LTBP2: variants seen among roughly 807,000 people sequenced by gnomAD.
The protein encoded by LTBP2 is latent transforming growth factor beta binding protein 2.
In LTBP2, 103 loss-of-function variants were observed where a neutral mutation model predicts 210.6. The observed-to-expected ratio is 0.49, with a 90% CI of 0.42 to 0.58. LTBP2 has a LOEUF of 0.58. LTBP2 is among the 20% of genes least tolerant of loss of function. LTBP2 has a pLI of 0.00. For synonymous variants in LTBP2, 1,007 were observed against 1,015.0 expected (o/e 0.99, Z 0.15); for missense variants, 2,313 against 2,494.5 (o/e 0.93, Z 1.55).
In LTBP2 at chr14:74,500,764, G is replaced by T. The variant is rs1241344759; in HGVS notation, c.*120C>A. 24 of 1,360,234 alleles carry T rather than the reference G, an allele frequency of 1.8e-5. No individual in the cohort carries two copies. The highest frequency in any genetic ancestry group is 2.5e-5 in the Non-Finnish European group (24 of 956,758). 84.3% of individuals were successfully genotyped at this position (1,360,234 alleles called of 1,614,324 possible). ...AGCTGGGAGAGATGAAAGCAGGCAAGGCTGATTGGAAACCTCTGGCCTGAT... is the reference window on the plus strand; with the variant it reads ...AGCTGGGAGAGATGAAAGCAGGCAATGCTGATTGGAAACCTCTGGCCTGAT... On this transcript the variant is annotated 3_prime_UTR_variant, in exon 36 of 36. Coordinates refer to ENST00000261978, the MANE Select transcript of LTBP2 (RefSeq NM_000428.3).
At chr14:74,526,750 G>C (rs1471796001) in intron 13 of LTBP2, among the ~76,000 whole-genome samples, 1 of 152,176 alleles carries the variant, frequency 6.6e-6, no homozygotes. Context: ...GGAGGGGCAG[G>C]GGACAGAGTA....
At chr14:74,511,432 G>C in intron 18 of LTBP2, 68 bp from the exon 19 acceptor site, 2 of 1,594,966 alleles carry the variant, frequency 1.3e-6, no homozygotes, top group Admixed American at 3.3e-5. Context: ...CTGTGACACA[G>C]CAAATCCTTG....
At position 74,584,454 on chromosome 14, in the gene LTBP2, C is replaced by T. The variant is rs80178736; in HGVS notation, c.830+1400G>A. ...TGTGCCCACCCCTGCCCTGGCTGGC[C>T]CTTGAACTGGCACCTCTAGTATTCC... is the stretch of plus-strand genomic sequence containing the variant. On this transcript the variant is annotated intron_variant, in intron 3 of 35. Coordinates refer to ENST00000261978, the MANE Select transcript of LTBP2 (RefSeq NM_000428.3). Among the ~76,000 whole-genome samples, 1,027 of 152,260 alleles carry T rather than the reference C, an allele frequency of 6.7e-3. 9 individuals are homozygous for T. The highest frequency in any genetic ancestry group is 0.024 in the African/African-American group (990 of 41,538).
intron 24 of LTBP2, 81 bp downstream of exon 24, chr14:74,508,522 GC>G (rs1413770537): frequency 7.4e-5 from 114 of 1,548,252 alleles, no homozygotes; most frequent in Non-Finnish European, 9.4e-5. Context: ...AGCCTGTAGC[GC>G]CCATGCTCCT....
intron 6 of LTBP2, among the ~76,000 whole-genome samples, 178 bp from the exon 7 acceptor site, chr14:74,551,528 C>T (rs187721228): frequency 1.1e-4 from 16 of 152,316 alleles, no homozygotes; most frequent in East Asian, 1.9e-4. Flanking sequence ...CTTGTGGGGA[C>T]GGGATGAAGT....
intron 3 of LTBP2, among the ~76,000 whole-genome samples, chr14:74,581,570 C>A (rs963803913): frequency 1.3e-5 from 2 of 152,026 alleles, no homozygotes; most frequent in South Asian, 4.1e-4. Flanking sequence ...CCTGATATGG[C>A]CCTCAAGTGA....
intron 3 of LTBP2, among the ~76,000 whole-genome samples, chr14:74,565,093 C>T (rs1436094351): frequency 6.6e-6 from 1 of 152,102 alleles, no homozygotes; most frequent in African/African-American, 2.4e-5. Flanking sequence ...ATGACCCGGT[C>T]CGAAGAACAG....
chr14:74,572,017 AC>A (rs1346405547), intron 3 of LTBP2, among the ~76,000 whole-genome samples: 2 of 151,778 alleles, frequency 1.3e-5, no homozygotes, highest in East Asian at 3.8e-4. Context: ...ACCATGAATC[AC>A]AGACACAAAA....
At chr14:74,509,111 G>C in intron 22 of LTBP2, 127 bp downstream of exon 22, 1 of 1,575,972 alleles carries the variant, frequency 6.3e-7, no homozygotes, top group Non-Finnish European at 8.7e-7. Flanking sequence ...AAGCTTGTGA[G>C]CGACTCTTGG....
intron 8 of LTBP2, among the ~76,000 whole-genome samples, chr14:74,540,761 T>G (rs1335692412): frequency 8.6e-6 from 1 of 116,606 alleles, no homozygotes; most frequent in African/African-American, 3.2e-5. Context: ...CGAGACTCCA[T>G]CTTAAAAAAT....
rs573332988 is a variant in LTBP2 at position 74,567,271 on chromosome 14, C to G, written c.831-11578G>C. On this transcript the variant is annotated intron_variant, in intron 3 of 35. Transcript: ENST00000261978. ...ATCTCTCCCCTCCACCCTCCAGCCC[C>G]CTCATGTGTTGGTCCACTGTGAACA... 8.5e-5 allele frequency among the ~76,000 whole-genome samples: 13 copies of G among 152,336 alleles called. No homozygotes were observed. The South Asian group carries it at 2.7e-3, about 32-fold the overall frequency.
intron 25 of LTBP2, 94 bp from the exon 26 acceptor site, chr14:74,507,404 G>C: frequency 6.5e-7 from 1 of 1,549,666 alleles, no homozygotes; most frequent in Admixed American, 1.7e-5. Flanking sequence ...TGGGGTTCTT[G>C]ATCTATTCCA....
At chr14:74,516,308 C>T (rs1008325467) in intron 18 of LTBP2, among the ~76,000 whole-genome samples, 1 of 148,054 alleles carries the variant, frequency 6.8e-6, no homozygotes, top group Non-Finnish European at 1.5e-5. Context: ...AATGTCACAG[C>T]GCCTTCTGGC....
intron 9 of LTBP2, 67 bp from the exon 10 acceptor site, chr14:74,532,615 C>A: frequency 1.9e-6 from 3 of 1,566,824 alleles, no homozygotes; most frequent in Non-Finnish European, 2.6e-6. Flanking sequence ...AGGGGCTGGG[C>A]AGAGATCTTC....
Position 74,611,877 on chromosome 14 carries a change from G to A in LTBP2, c.68C>T (p.Pro23Leu), listed in dbSNP as rs1441620457. 5 of 1,608,548 alleles carry A rather than the reference G, an allele frequency of 3.1e-6. No individual in the cohort carries two copies. Among genetic ancestry groups the A allele is most frequent in the Non-Finnish European group, 4.2e-6 (5 of 1,179,110 alleles). The change falls in exon 1 of 36, where the codon CCG (proline) becomes CTG (leucine). Residue 23 changes from proline (P) to leucine (L), a missense_variant. Pro to Leu is a moderately conservative substitution (Grantham distance 98, BLOSUM62 -3). Around this residue, in one of 3 missense-constraint regions of LTBP2, gnomAD observed 1,867 missense variants for 1,976.9 expected, o/e 0.94. Coordinates refer to ENST00000261978, the MANE Select transcript of LTBP2 (RefSeq NM_000428.3). Reference protein sequence around the residue: ...ALRNPWRGFLPLTLALFVGAG... With the variant: ...ALRNPWRGFLLLTLALFVGAG... ...GCCCACGAAGAGAGCCAGGGTGAGC[G>A]GCAGGAAGCCTCTCCAGGGGTTCCG...
intron 3 of LTBP2, among the ~76,000 whole-genome samples, chr14:74,577,773 C>T (rs1304977976): frequency 8.7e-6 from 1 of 115,534 alleles, no homozygotes; most frequent in Non-Finnish European, 1.9e-5. Context: ...TCCCAAAGTG[C>T]TGGGATTACA....
intron 2 of LTBP2, among the ~76,000 whole-genome samples, chr14:74,594,288 A>G (rs1394285295): frequency 2.6e-5 from 4 of 151,912 alleles, no homozygotes; most frequent in African/African-American, 7.3e-5. Context: ...CCCTCCATCT[A>G]TGACCCGTTA....
At chr14:74,512,994 A>T in intron 18 of LTBP2, among the ~76,000 whole-genome samples, 1 of 152,244 alleles carries the variant, frequency 6.6e-6, no homozygotes, top group East Asian at 1.9e-4. Flanking sequence ...TGTTTCAGGG[A>T]TGCCAGATGA....
chr14:74,532,455 A>G lies in LTBP2; in HGVS notation c.1958T>C (p.Met653Thr), dbSNP rs567763713. 10 of 1,614,124 alleles carry G rather than the reference A, an allele frequency of 6.2e-6. No homozygotes were observed. In the South Asian group the frequency reaches 9.9e-5, roughly 16 times the overall value. ...SYLCTCRPGL[M>T]LDPSRSRCVS... ...ACAGCGGCTCCGCGATGGATCCAGC[A>G]TGAGGCCAGGTCTGCATGTGCACAG... The change falls in exon 10 of 36, where the codon ATG (methionine) becomes ACG (threonine). Residue 653 changes from methionine (M) to threonine (T), a missense_variant. This residue lies in a region of LTBP2 where 1,867 missense variants were observed against 1,976.9 expected (regional missense o/e 0.94). Transcript: ENST00000261978.
Sources: allele counts gnomAD v4.1 joint callset (sites outside exome capture counted in the v4.1 genomes callset), GRCh38; gene constraint gnomAD v4.1.1; regional missense constraint gnomAD v4.1.1; transcripts MANE v1.5; gene names NCBI Gene and HGNC (gene_info 2026-07-23, HGNC 2026-07-21).